The following ACTR3B variants were observed in gnomAD, a reference collection of about 807,000 sequenced individuals.
ACTR3B encodes actin-related protein 3B.
A neutral mutation model predicts 59.0 loss-of-function variants in ACTR3B; 8 were observed. That is an observed-to-expected ratio of 0.14 (90% CI 0.08 to 0.24). ACTR3B has a LOEUF of 0.24. Ranked by LOEUF, ACTR3B falls within the 10% of genes least tolerant of loss-of-function variation. The probability of loss-of-function intolerance (pLI) is 1.00; values close to 1 mark genes in which losing one functional copy is unlikely to be tolerated. For missense variants in ACTR3B, 245 were observed against 552.3 expected, an observed-to-expected ratio of 0.44 and a Z score of 5.58; for synonymous variants, 148 against 197.9, an observed-to-expected ratio of 0.75 and a Z score of 2.12.
chr7:152,779,745 G>A (rs1310714642), intron 1 of ACTR3B, among the ~76,000 whole-genome samples: 2 of 152,120 alleles, frequency 1.3e-5, no homozygotes, highest in African/African-American at 4.8e-5. Flanking sequence ...CTTTTTAGAT[G>A]ACATCTACTG....
intron 1 of ACTR3B, among the ~76,000 whole-genome samples, chr7:152,779,319 G>T (rs940143583): frequency 5.9e-5 from 9 of 152,006 alleles, no homozygotes; most frequent in African/African-American, 1.9e-4. Flanking sequence ...GCCACATGTG[G>T]CTTATTCTTC....
At position 152,789,274 on chromosome 7, in the gene ACTR3B, C is replaced by G. The variant is rs1209214799; in HGVS notation, c.100+6032C>G. Reference sequence around the variant, plus strand: ...ACGTGTAGTGACGCTCACCTGTGGTCCCAGCTACTCGGGAGGCTGAGGTGG... The same window carrying G: ...ACGTGTAGTGACGCTCACCTGTGGTGCCAGCTACTCGGGAGGCTGAGGTGG... On this transcript the variant is annotated intron_variant, in intron 2 of 11. Coordinates refer to ENST00000256001, the MANE Select transcript of ACTR3B (RefSeq NM_020445.6). 2.2e-4 allele frequency among the ~76,000 whole-genome samples: 33 copies of G among 148,790 alleles called. 1 individual carries two copies. The highest frequency in any genetic ancestry group is 4.1e-4 in the Non-Finnish European group (28 of 67,634).
rs1260249547 is a variant in ACTR3B at position 152,795,255 on chromosome 7, C to T, written c.101-5276C>T. On this transcript the variant is annotated intron_variant, in intron 2 of 11. Coordinates refer to ENST00000256001, the MANE Select transcript of ACTR3B (RefSeq NM_020445.6). ...ACAGATGGGGTTTCACCATGTTGGC[C>T]AGGGTGGTCTTGAATTCTTGACCTC... is the stretch of plus-strand genomic sequence containing the variant. 3.3e-5 allele frequency among the ~76,000 whole-genome samples: 5 copies of T among 152,128 alleles called. No individual in the cohort carries two copies. In the East Asian group the frequency reaches 9.6e-4, roughly 29 times the overall value.
chr7:152,814,906 CAA>C, intron 5 of ACTR3B, among the ~76,000 whole-genome samples: 1 of 152,190 alleles, frequency 6.6e-6, no homozygotes, highest in South Asian at 2.1e-4. Flanking sequence ...ATCTGGGTGA[CAA>C]GATATAGGTG....
At chr7:152,760,330 C>T (rs2098085576) in intron 1 of ACTR3B, among the ~76,000 whole-genome samples, 1 of 152,222 alleles carries the variant, frequency 6.6e-6, no homozygotes, top group South Asian at 2.1e-4. Flanking sequence ...CACAGATCAT[C>T]ACTGCAGATC....
rs747137875 is a variant in ACTR3B, at chr7:152,825,035, C to G, written c.864C>G (p.Ala288=). ...GPEIFFHPEF[A]NPDFMESISD... ...TATATTGATACACAATTCAGTTTGC[C>G]AACCCAGACTTTATGGAGTCCATCT... Residue 288 remains alanine, a synonymous_variant, in exon 9 of 12, where the codon GCC becomes GCG. Coordinates refer to ENST00000256001, the MANE Select transcript of ACTR3B (RefSeq NM_020445.6). The G allele has an allele frequency of 1.2e-6, 2 of 1,612,302 alleles. No homozygotes were observed. The highest frequency in any genetic ancestry group is 1.7e-6 in the Non-Finnish European group (2 of 1,179,328).
chr7:152,775,759 C>CA (rs201001560), intron 1 of ACTR3B, among the ~76,000 whole-genome samples: 3,253 of 116,014 alleles, frequency 0.028, 77 homozygotes, highest in African/African-American at 0.07. Flanking sequence ...AACTCCGTCT[C>CA]AAAAAAAAAA....
intron 2 of ACTR3B, among the ~76,000 whole-genome samples, chr7:152,796,960 T>G (rs1269641429): frequency 6.9e-6 from 1 of 143,938 alleles, no homozygotes; most frequent in Non-Finnish European, 1.5e-5. Flanking sequence ...TTAAGCAATT[T>G]GCCTGTCTCG....
chr7:152,831,247 T>C lies in ACTR3B; in HGVS notation c.951+6125T>C, dbSNP rs371948126. On this transcript the variant is annotated intron_variant, in intron 9 of 11. Transcript: ENST00000256001. Reference sequence around the variant, plus strand: ...TAAGACACCTGTTGCCGTGGGAGGCTGGTGGAGATGTGGATGGCGGAGCTC... The same window carrying C: ...TAAGACACCTGTTGCCGTGGGAGGCCGGTGGAGATGTGGATGGCGGAGCTC... 8.5e-4 allele frequency among the ~76,000 whole-genome samples: 129 copies of C among 152,336 alleles called. 3 individuals carry two copies. The highest frequency in any genetic ancestry group is 4.2e-3 in the East Asian group (22 of 5,186).
chr7:152,774,132 A>C (rs2098130859), intron 1 of ACTR3B, among the ~76,000 whole-genome samples: 2 of 151,884 alleles, frequency 1.3e-5, no homozygotes, highest in Non-Finnish European at 2.9e-5. Flanking sequence ...ATTGCTTTAA[A>C]ATTTTTTTGT....
intron 9 of ACTR3B, among the ~76,000 whole-genome samples, chr7:152,829,055 TATAC>T (rs1036163672): frequency 1.5e-4 from 22 of 144,846 alleles, no homozygotes; most frequent in African/African-American, 5.4e-4. Context: ...TATATATATA[TATAC>T]ACACACACAC....
chr7:152,833,888 C>T (rs1304248173), intron 9 of ACTR3B, among the ~76,000 whole-genome samples: 2 of 151,834 alleles, frequency 1.3e-5, no homozygotes, highest in Non-Finnish European at 2.9e-5. Flanking sequence ...GGTAAGGTTG[C>T]GGGCTATTGA....
At chr7:152,847,818 CTG>C (rs1415068307) in intron 9 of ACTR3B, among the ~76,000 whole-genome samples, 2 of 152,176 alleles carry the variant, frequency 1.3e-5, no homozygotes, top group Admixed American at 6.5e-5. Context: ...TTTTCTGACA[CTG>C]AGACCTGAGA....
Position 152,825,084 on chromosome 7 carries a change from C to T in ACTR3B, c.913C>T (p.Gln305Ter). The T allele has an allele frequency of 6.2e-7, 1 of 1,613,862 alleles. No individual in the cohort carries two copies. The highest frequency in any genetic ancestry group is 8.5e-7 in the Non-Finnish European group (1 of 1,179,816). ...CTCAGATGTTGTTGATGAAGTAATA[C>T]AGAACTGCCCCATCGATGTGCGGCG... ...SISDVVDEVI[Q>*]NCPIDVRRPL... is the part of the protein sequence containing the mutation. Residue 305 changes from glutamine to a stop codon, truncating the protein, a stop_gained, in exon 9 of 12, where the codon CAG (glutamine) becomes TAG (stop). Coordinates refer to ENST00000256001, the MANE Select transcript of ACTR3B (RefSeq NM_020445.6). LOFTEE classifies it high-confidence loss of function.
chr7:152,844,562 A>G (rs1304671417), intron 9 of ACTR3B, among the ~76,000 whole-genome samples: 1 of 152,012 alleles, frequency 6.6e-6, no homozygotes, highest in Admixed American at 6.6e-5. Flanking sequence ...TCTAGATGTA[A>G]TGGTCATTTA....
intron 1 of ACTR3B, among the ~76,000 whole-genome samples, chr7:152,763,804 A>AT (rs2098098887): frequency 6.6e-6 from 1 of 152,150 alleles, no homozygotes; most frequent in Non-Finnish European, 1.5e-5. Flanking sequence ...TTCTGTCTCC[A>AT]TTTATTAGTT....
Position 152,831,302 on chromosome 7 carries a change from G to A in ACTR3B, c.951+6180G>A, listed in dbSNP as rs191866394. On this transcript the variant is annotated intron_variant, in intron 9 of 11. Coordinates refer to ENST00000256001, the MANE Select transcript of ACTR3B (RefSeq NM_020445.6). ...ACTGTGGCAACATCGAGTAATGTCA[G>A]TGAGCACCTGCAGAGCGCCAGGTCC... 2.4e-3 allele frequency among the ~76,000 whole-genome samples: 373 copies of A among 152,370 alleles called. 1 individual carries two copies. Among genetic ancestry groups the A allele is most frequent in the Non-Finnish European group, 3.9e-3 (267 of 68,036 alleles).
intron 4 of ACTR3B, among the ~76,000 whole-genome samples, chr7:152,810,354 GCCC>G: frequency 6.7e-6 from 1 of 150,354 alleles, no homozygotes; most frequent in Non-Finnish European, 1.5e-5. Context: ...TGATCCACCT[GCCC>G]CTGCCTCCCA....
At chr7:152,765,471 G>T (rs2098106666) in intron 1 of ACTR3B, among the ~76,000 whole-genome samples, 1 of 149,758 alleles carries the variant, frequency 6.7e-6, no homozygotes. Context: ...CATTGTTACA[G>T]GAAGTCCCTT....
Sources: allele counts gnomAD v4.1 joint callset (sites outside exome capture counted in the v4.1 genomes callset), GRCh38; gene constraint gnomAD v4.1.1; transcripts MANE v1.5; gene names NCBI Gene and HGNC (gene_info 2026-07-23, HGNC 2026-07-21).